Variants in TBC1D22A observed in about 807,000 individuals in gnomAD.
TBC1D22A encodes putative GTPase activator.
Under a neutral mutation model 60.2 loss-of-function variants are expected in TBC1D22A, and 38 were observed. The ratio of observed to expected loss-of-function variants is 0.63; its 90% CI spans 0.49 to 0.83. TBC1D22A has a LOEUF of 0.83. Among genes scored for constraint, TBC1D22A ranks in the 40% least tolerant of loss-of-function variants. TBC1D22A has a pLI of 0.00. For synonymous variants in TBC1D22A, 302 were observed against 281.7 expected (o/e 1.07, Z -0.72); for missense variants, 628 against 701.0 (o/e 0.90, Z 1.18).
chr22:47,151,174 G>A (rs993845510), intron 12 of TBC1D22A, among the ~76,000 whole-genome samples: 1 of 152,172 alleles, frequency 6.6e-6, no homozygotes, highest in Non-Finnish European at 1.5e-5. Context: ...GGCTGTGCGG[G>A]CCCAGAGCCT....
At chr22:46,895,081 T>A (rs2068603494) in intron 7 of TBC1D22A, among the ~76,000 whole-genome samples, 1 of 152,236 alleles carries the variant, frequency 6.6e-6, no homozygotes, top group Non-Finnish European at 1.5e-5. Context: ...AATACATATG[T>A]GTGGATGTAT....
intron 1 of TBC1D22A, among the ~76,000 whole-genome samples, chr22:46,768,484 CAAAAAAAAAAAAAA>C (rs3083471): frequency 7.0e-3 from 565 of 80,382 alleles, no homozygotes; most frequent in South Asian, 0.032. Context: ...GACTCTGTCT[CAAAAAAAAAAAAAA>C]AAAAAAAAAA....
In TBC1D22A at chr22:46,895,376, T is replaced by C. The variant is rs1321033686; in HGVS notation, c.900+530T>C. On this transcript the variant is annotated intron_variant, in intron 7 of 12. Coordinates refer to ENST00000337137, the MANE Select transcript of TBC1D22A (RefSeq NM_014346.5). ...CTGGTCTCTGCCTCTTGTTTTTTTT[T>C]CCTTTATTTATTTAGAGACAAGAGT... 3.3e-5 allele frequency among the ~76,000 whole-genome samples: 5 copies of C among 152,308 alleles called. No homozygotes were observed. The South Asian group carries it at 6.2e-4, about 19-fold the overall frequency.
intron 11 of TBC1D22A, among the ~76,000 whole-genome samples, chr22:47,061,111 C>T (rs2063559145): frequency 6.6e-6 from 1 of 151,482 alleles, no homozygotes; most frequent in Non-Finnish European, 1.5e-5. Context: ...TCCTCGGTGC[C>T]CTCACCACCG....
intron 1 of TBC1D22A, among the ~76,000 whole-genome samples, chr22:46,782,323 G>C (rs1240099893): frequency 6.6e-6 from 1 of 152,200 alleles, no homozygotes; most frequent in Non-Finnish European, 1.5e-5. Context: ...AAAGTGCTGA[G>C]ATTACAGGCC....
intron 7 of TBC1D22A, among the ~76,000 whole-genome samples, chr22:46,895,622 T>C (rs1017146280): frequency 3.3e-5 from 5 of 152,230 alleles, no homozygotes; most frequent in Non-Finnish European, 5.9e-5. Context: ...TCTGCCCGCC[T>C]TGGCCTCCCA....
chr22:46,843,869 C>G (rs528524888), intron 4 of TBC1D22A, among the ~76,000 whole-genome samples: 3 of 152,062 alleles, frequency 2.0e-5, no homozygotes, highest in Admixed American at 6.5e-5. Flanking sequence ...CCGGCAGCAC[C>G]CTGTGTTCTC....
intron 4 of TBC1D22A, among the ~76,000 whole-genome samples, chr22:46,858,098 A>G (rs1013309073): frequency 1.3e-5 from 2 of 152,184 alleles, no homozygotes; most frequent in African/African-American, 4.8e-5. Context: ...CCAGCAATGC[A>G]TGAGGGCTCT....
At chr22:46,815,301 C>T (rs1038170083) in intron 4 of TBC1D22A, among the ~76,000 whole-genome samples, 2 of 152,200 alleles carry the variant, frequency 1.3e-5, no homozygotes, top group Non-Finnish European at 2.9e-5. Context: ...TCTTGCTTGT[C>T]CCTGCGGTTC....
intron 11 of TBC1D22A, among the ~76,000 whole-genome samples, chr22:47,059,945 A>G (rs1303722139): frequency 6.6e-6 from 1 of 152,140 alleles, no homozygotes; most frequent in Non-Finnish European, 1.5e-5. Flanking sequence ...TCTCTGTTCC[A>G]GGGTACAGGA....
chr22:47,112,758 G>A (rs1433135304), intron 12 of TBC1D22A, among the ~76,000 whole-genome samples: 2 of 148,022 alleles, frequency 1.4e-5, no homozygotes, highest in African/African-American at 5.0e-5. Context: ...TGTGCCCTGC[G>A]GGGAGCATTG....
chr22:46,790,541 C>G (rs1392616306), intron 1 of TBC1D22A, among the ~76,000 whole-genome samples: 1 of 151,960 alleles, frequency 6.6e-6, no homozygotes, highest in Non-Finnish European at 1.5e-5. Context: ...CCTCTGTTTA[C>G]AAGGTTTTTT....
chr22:47,098,262 G>C (rs1468173214), intron 11 of TBC1D22A, among the ~76,000 whole-genome samples: 1 of 152,138 alleles, frequency 6.6e-6, no homozygotes, highest in Non-Finnish European at 1.5e-5. Context: ...TTGACCTCCA[G>C]AACCCCCTGT....
chr22:46,874,823 C>T (rs568889616), intron 4 of TBC1D22A, among the ~76,000 whole-genome samples: 5 of 152,138 alleles, frequency 3.3e-5, no homozygotes, highest in Non-Finnish European at 7.4e-5. Context: ...ATCTGCCCGC[C>T]TTGGCCTCCC....
chr22:47,053,911 G>A (rs950620255), intron 11 of TBC1D22A, among the ~76,000 whole-genome samples: 3 of 152,210 alleles, frequency 2.0e-5, no homozygotes, highest in African/African-American at 4.8e-5. Flanking sequence ...CCAAGGACAC[G>A]GGAATGCTCC....
At chr22:46,977,087 A>G (rs1327081584) in intron 9 of TBC1D22A, among the ~76,000 whole-genome samples, 2 of 152,196 alleles carry the variant, frequency 1.3e-5, no homozygotes, top group African/African-American at 4.8e-5. Flanking sequence ...ACTAAGAGAG[A>G]TGAAGCCCAT....
intron 8 of TBC1D22A, among the ~76,000 whole-genome samples, chr22:46,962,555 G>A (rs2073565052): frequency 6.6e-6 from 1 of 152,060 alleles, no homozygotes; most frequent in African/African-American, 2.4e-5. Flanking sequence ...GAGAGAAGAG[G>A]CTTACTGGGG....
chr22:46,849,073 C>A (rs1341033081), intron 4 of TBC1D22A, among the ~76,000 whole-genome samples: 1 of 152,186 alleles, frequency 6.6e-6, no homozygotes, highest in Admixed American at 6.5e-5. Flanking sequence ...TACTTAACCC[C>A]ATCTGTCTGG....
intron 8 of TBC1D22A, among the ~76,000 whole-genome samples, chr22:46,962,112 C>T (rs1328747847): frequency 1.3e-5 from 2 of 152,150 alleles, no homozygotes; most frequent in East Asian, 1.9e-4. Flanking sequence ...GGAGGAGATG[C>T]GGGTGTCTCT....
Sources: gnomAD v4.1 joint callset for allele counts (sites outside exome capture counted in the v4.1 genomes callset) on GRCh38, gnomAD v4.1.1 for gene constraint, MANE v1.5 for transcripts, NCBI Gene and HGNC (gene_info 2026-07-23, HGNC 2026-07-21) for gene names.